Variants in BBS12 observed in about 807,000 individuals in gnomAD.
BBS12 encodes chaperonin-containing T-complex member BBS12.
In BBS12, 5 loss-of-function variants were observed where a neutral mutation model predicts 5.6. That is an observed-to-expected ratio of 0.89 (90% CI 0.46 to 1.86). The LOEUF (loss-of-function observed/expected upper bound fraction) is 1.86. Ranked by LOEUF, BBS12 falls within the 40% of genes most tolerant of loss-of-function variation. The pLI is 0.01. For synonymous variants in BBS12, 308 were observed against 306.8 expected, an observed-to-expected ratio of 1.00 and a Z score of -0.04; for missense variants, 748 against 830.4, an observed-to-expected ratio of 0.90 and a Z score of 1.22.
At chr4:122,733,424 C>CAT (rs1553940693) in intron 1 of BBS12, among the ~76,000 whole-genome samples, 1 of 134,080 alleles carries the variant, frequency 7.5e-6, no homozygotes, top group South Asian at 2.4e-4. Context: ...CACACACACA[C>CAT]ATCCAGCCAT....
chr4:122,734,969 A>C (rs923226164), intron 1 of BBS12, among the ~76,000 whole-genome samples: 1 of 152,238 alleles, frequency 6.6e-6, no homozygotes, highest in Non-Finnish European at 1.5e-5. Context: ...TATGTCATGC[A>C]CTATGCCAAC....
chr4:122,737,111 C>G (rs1335361344), intron 1 of BBS12, among the ~76,000 whole-genome samples: 1 of 152,108 alleles, frequency 6.6e-6, no homozygotes, highest in African/African-American at 2.4e-5. Flanking sequence ...TCCATTCGCT[C>G]TAAGTTCTCT....
intron 1 of BBS12, among the ~76,000 whole-genome samples, chr4:122,734,702 G>A (rs934521895): frequency 4.6e-5 from 7 of 152,196 alleles, no homozygotes; most frequent in South Asian, 4.2e-4. Context: ...ATTAAATGGC[G>A]GAGTAGTATA....
upstream of BBS12, among the ~76,000 whole-genome samples, chr4:122,727,907 A>G (rs1039273101): frequency 3.3e-5 from 5 of 152,262 alleles, no homozygotes; most frequent in African/African-American, 1.2e-4. Flanking sequence ...ACAATACACA[A>G]AAAGGAATAG....
chr4:122,719,407 C>T, the BBS12 span, among the ~76,000 whole-genome samples: 10 of 152,206 alleles, frequency 6.6e-5, no homozygotes, highest in South Asian at 2.1e-4. Flanking sequence ...GCTTCCACGT[C>T]GTGGAAGCTT....
the BBS12 span, among the ~76,000 whole-genome samples, chr4:122,705,731 C>T: frequency 6.6e-6 from 1 of 152,184 alleles, no homozygotes; most frequent in African/African-American, 2.4e-5. Flanking sequence ...CCCAGTCCTA[C>T]ATATCATCAT....
chr4:122,725,635 T>C, the BBS12 span, among the ~76,000 whole-genome samples: 8 of 152,090 alleles, frequency 5.3e-5, no homozygotes, highest in Non-Finnish European at 1.2e-4. Flanking sequence ...GCAGTGGCTC[T>C]TGCCTGTAAT....
chr4:122,722,673 A>G, the BBS12 span, among the ~76,000 whole-genome samples: 1 of 152,082 alleles, frequency 6.6e-6, no homozygotes, highest in Non-Finnish European at 1.5e-5. Flanking sequence ...TCTCTTTATT[A>G]TTTGTACCTG....
the BBS12 span, among the ~76,000 whole-genome samples, chr4:122,702,457 C>G: frequency 6.6e-6 from 1 of 152,154 alleles, no homozygotes; most frequent in Non-Finnish European, 1.5e-5. Context: ...AAGATGGATC[C>G]TATATGTGCC....
Position 122,743,664 on chromosome 4 carries a change from T to C in BBS12, c.1772T>C (p.Leu591Pro). 6.2e-7 allele frequency: 1 copy of C among 1,614,196 alleles called. No individual in the cohort carries two copies. ...AIYRPTVLKF[L>P]ANGWQKYLST... ...TACAGACCAACTGTGCTTAAATTCC[T>C]GGCAAATGGATGGCAGAAATACCTT... The change falls in exon 2 of 2, where the codon CTG (leucine) becomes CCG (proline). Residue 591 changes from leucine to proline, a missense_variant. Leu to Pro is a moderately conservative substitution (Grantham distance 98). Coordinates refer to ENST00000314218, the MANE Select transcript of BBS12 (RefSeq NM_152618.3).
Position 122,742,586 on chromosome 4 carries a change from A to T in BBS12, c.694A>T (p.Ile232Phe), listed in dbSNP as rs763099028. The change falls in exon 2 of 2, where the codon ATC becomes TTC. Residue 232 changes from isoleucine (I) to phenylalanine (F), a missense_variant. Physicochemically the swap from Ile to Phe is conservative, Grantham distance 21 (BLOSUM62 0). Transcript: ENST00000314218. ...ADTCCRQSIL[I>F]HSRHFNRTDN... ...TACCTGCTGCAGACAGTCAATACTA[A>T]TCCACAGTAGGCATTTTAATAGGAC... 12 of 1,614,110 alleles carry T rather than the reference A, an allele frequency of 7.4e-6. No homozygotes were observed. The South Asian group carries it at 1.3e-4, about 18-fold the overall frequency.
At chr4:122,740,395 A>G (rs1407145598) in intron 1 of BBS12, among the ~76,000 whole-genome samples, 1 of 152,216 alleles carries the variant, frequency 6.6e-6, no homozygotes, top group Non-Finnish European at 1.5e-5. Context: ...TATTCTGAAG[A>G]GGAGGAGAAA....
At chr4:122,722,126 T>A in the BBS12 span, among the ~76,000 whole-genome samples, 1 of 152,032 alleles carries the variant, frequency 6.6e-6, no homozygotes, top group African/African-American at 2.4e-5. Context: ...AGACTGGGGG[T>A]CAAATTTTCT....
the BBS12 span, among the ~76,000 whole-genome samples, chr4:122,705,871 A>C: frequency 1.3e-5 from 2 of 152,242 alleles, no homozygotes; most frequent in African/African-American, 4.8e-5. Flanking sequence ...AAACAATATT[A>C]TAATGTTTCC....
chr4:122,715,488 G>C, the BBS12 span, among the ~76,000 whole-genome samples: 2 of 152,072 alleles, frequency 1.3e-5, no homozygotes, highest in African/African-American at 4.8e-5. Flanking sequence ...AGGTTGAAGG[G>C]GTGTTTTAAC....
At chr4:122,726,311 A>G in the BBS12 span, among the ~76,000 whole-genome samples, 1 of 152,220 alleles carries the variant, frequency 6.6e-6, no homozygotes. Context: ...GCCAATAAAC[A>G]TATGAAAAAA....
the BBS12 span, among the ~76,000 whole-genome samples, chr4:122,720,082 C>A: frequency 6.6e-6 from 1 of 152,138 alleles, no homozygotes; most frequent in African/African-American, 2.4e-5. Context: ...AAAAGCTACA[C>A]TTTTAAAAGT....
chr4:122,719,214 A>T, the BBS12 span, among the ~76,000 whole-genome samples: 1 of 152,146 alleles, frequency 6.6e-6, no homozygotes, highest in Non-Finnish European at 1.5e-5. Flanking sequence ...TAGCTAAAAA[A>T]TTGTAAACGC....
the BBS12 span, among the ~76,000 whole-genome samples, chr4:122,716,529 TTATATATACATATGTG>T: frequency 1.2e-5 from 1 of 86,468 alleles, no homozygotes; most frequent in African/African-American, 5.7e-5. Flanking sequence ...CAAATTATAT[TTATATATACATATGTG>T]TATATATACA....
Sources: allele counts gnomAD v4.1 joint callset (sites outside exome capture counted in the v4.1 genomes callset), GRCh38; gene constraint gnomAD v4.1.1; transcripts MANE v1.5; gene names NCBI Gene and HGNC (gene_info 2026-07-23, HGNC 2026-07-21).